Variants in NLGN1 observed in about 807,000 individuals in gnomAD.
The protein encoded by NLGN1 is neuroligin 1.
Under a neutral mutation model 65.5 loss-of-function variants are expected in NLGN1, and 12 were observed. The observed-to-expected ratio is 0.18, with a 90% confidence interval of 0.12 to 0.30. NLGN1 has a LOEUF of 0.30. Ranked by LOEUF, NLGN1 falls within the 10% of genes least tolerant of loss-of-function variation. The pLI is 1.00. For synonymous variants in NLGN1, 350 were observed against 359.5 expected, an observed-to-expected ratio of 0.97 and a Z score of 0.30; for missense variants, 750 against 1,007.1, an observed-to-expected ratio of 0.74 and a Z score of 3.46.
At chr3:174,077,025 A>G (rs1041383760) in intron 4 of NLGN1, among the ~76,000 whole-genome samples, 17 of 152,218 alleles carry the variant, frequency 1.1e-4, no homozygotes, top group African/African-American at 7.2e-5. Flanking sequence ...AATTCTCTAC[A>G]GCTATTAATA....
In NLGN1 at chr3:174,258,986, T is replaced by C. The variant is rs555502318; in HGVS notation, c.647-16329T>C. Among the ~76,000 whole-genome samples the C allele has an allele frequency of 2.0e-5, 3 of 152,254 alleles. No homozygotes were observed. The South Asian group carries it at 6.2e-4, about 32-fold the overall frequency. ...AAATGTTTCTGTAATACTGAAAGTA[T>C]TGAAAAGTTTTAAAATCACTAAATC... On this transcript the variant is annotated intron_variant, in intron 4 of 6. Coordinates refer to ENST00000457714, the Ensembl canonical transcript of NLGN1.
intron 4 of NLGN1, among the ~76,000 whole-genome samples, chr3:173,877,823 T>C (rs1020687421): frequency 1.3e-5 from 2 of 152,204 alleles, no homozygotes; most frequent in Admixed American, 6.5e-5. Flanking sequence ...TATTGACTTA[T>C]ATAATTTCTG....
At chr3:174,096,230 T>C in intron 4 of NLGN1, among the ~76,000 whole-genome samples, 1 of 149,658 alleles carries the variant, frequency 6.7e-6, no homozygotes. Flanking sequence ...TATATATGCA[T>C]ATAATATACA....
intron 4 of NLGN1, among the ~76,000 whole-genome samples, chr3:174,228,096 G>C (rs1740062660): frequency 6.6e-6 from 1 of 151,442 alleles, no homozygotes; most frequent in Non-Finnish European, 1.5e-5. Flanking sequence ...CATTGAAATT[G>C]TTTATCAATT....
chr3:174,224,947 G>A (rs1271554119), intron 4 of NLGN1, among the ~76,000 whole-genome samples: 2 of 152,114 alleles, frequency 1.3e-5, no homozygotes, highest in Non-Finnish European at 2.9e-5. Flanking sequence ...AGCTTGTTAG[G>A]AGTTTAGTCC....
chr3:174,008,998 G>A (rs191217639), intron 4 of NLGN1, among the ~76,000 whole-genome samples: 14 of 152,176 alleles, frequency 9.2e-5, no homozygotes, highest in Admixed American at 7.9e-4. Flanking sequence ...CTGCTGTAAC[G>A]AATACCATAC....
In NLGN1 at chr3:173,436,373, C is replaced by G. The variant is rs139913951; in HGVS notation, c.-321+1295C>G. On this transcript the variant is annotated intron_variant, in intron 2 of 6. Coordinates refer to ENST00000457714, the Ensembl canonical transcript of NLGN1. ...TTTATTCTGGTTAGTGGCTCCCATT[C>G]TTTGGCAAATAATGTATGGCACACA... 1.6e-4 allele frequency among the ~76,000 whole-genome samples: 24 copies of G among 152,242 alleles called. No individual in the cohort carries two copies. The East Asian group carries it at 4.6e-3, about 29-fold the overall frequency.
chr3:173,469,723 AC>A (rs1158638205), intron 2 of NLGN1, among the ~76,000 whole-genome samples: 2 of 151,694 alleles, frequency 1.3e-5, no homozygotes, highest in Non-Finnish European at 2.9e-5. Flanking sequence ...TCAGAGTAAA[AC>A]CCCTTACCCA....
chr3:173,796,941 TTC>T (rs1417666831), intron 3 of NLGN1, among the ~76,000 whole-genome samples: 2 of 152,182 alleles, frequency 1.3e-5, no homozygotes, highest in African/African-American at 4.8e-5. Flanking sequence ...TTACAATATT[TTC>T]TTTCCGTTTA....
chr3:173,583,861 A>G (rs1306622704), intron 2 of NLGN1, among the ~76,000 whole-genome samples: 1 of 152,206 alleles, frequency 6.6e-6, no homozygotes, highest in Non-Finnish European at 1.5e-5. Context: ...AATGAGTAAG[A>G]GATTATCTAA....
chr3:173,677,883 A>G (rs1763389843), intron 3 of NLGN1, among the ~76,000 whole-genome samples: 2 of 152,146 alleles, frequency 1.3e-5, no homozygotes, highest in Admixed American at 1.3e-4. Flanking sequence ...AGCCAAACTA[A>G]AGATGGGATT....
intron 4 of NLGN1, among the ~76,000 whole-genome samples, chr3:174,075,531 T>C (rs932091235): frequency 1.3e-5 from 2 of 152,132 alleles, no homozygotes; most frequent in Non-Finnish European, 2.9e-5. Context: ...ATGCCCAACC[T>C]GACAGTACGA....
At chr3:173,754,875 A>G (rs1405925147) in intron 3 of NLGN1, among the ~76,000 whole-genome samples, 1 of 152,072 alleles carries the variant, frequency 6.6e-6, no homozygotes, top group East Asian at 1.9e-4. Context: ...CACTCCATTC[A>G]TTACACTTTA....
In NLGN1 at chr3:173,798,234, A is replaced by T. The variant is rs139341082; in HGVS notation, c.494-9446A>T. Reference sequence around the variant, plus strand: ...TAATTTAACTAAAATTGGAAAGTAGATAGTGGTTTTGGCAGCAATAAATGC... The same window carrying T: ...TAATTTAACTAAAATTGGAAAGTAGTTAGTGGTTTTGGCAGCAATAAATGC... On this transcript the variant is annotated intron_variant, in intron 3 of 6. Coordinates refer to ENST00000457714, the Ensembl canonical transcript of NLGN1. Among the ~76,000 whole-genome samples the T allele has an allele frequency of 2.4e-3, 366 of 152,278 alleles. 1 individual carries two copies. The highest frequency in any genetic ancestry group is 7.9e-3 in the African/African-American group (330 of 41,576).
intron 3 of NLGN1, among the ~76,000 whole-genome samples, chr3:173,804,231 A>T (rs1716120054): frequency 6.6e-6 from 1 of 152,296 alleles, no homozygotes; most frequent in Admixed American, 6.5e-5. Context: ...CATTGCAAAT[A>T]ATGGAAATTA....
chr3:173,407,997 G>A (rs915776669), intron 1 of NLGN1, among the ~76,000 whole-genome samples: 2 of 152,132 alleles, frequency 1.3e-5, no homozygotes, highest in Non-Finnish European at 2.9e-5. Flanking sequence ...GTCTGTTTGT[G>A]ACACTGGTTG....
At chr3:174,124,663 GTA>G (rs1277945830) in intron 4 of NLGN1, among the ~76,000 whole-genome samples, 3 of 146,498 alleles carry the variant, frequency 2.0e-5, no homozygotes, top group African/African-American at 7.5e-5. Context: ...TTATATATAT[GTA>G]TATGTGTATA....
At chr3:174,232,901 C>G (rs78600631) in intron 4 of NLGN1, among the ~76,000 whole-genome samples, 13,937 of 152,294 alleles carry the variant, frequency 0.092, 862 homozygotes, top group Non-Finnish European at 0.14. Context: ...ATGCAAATTT[C>G]CCCAACTTCG....
intron 4 of NLGN1, among the ~76,000 whole-genome samples, chr3:174,206,615 A>G (rs1019819739): frequency 6.6e-5 from 10 of 152,154 alleles, no homozygotes; most frequent in African/African-American, 2.4e-4. Flanking sequence ...TATAGAAGTT[A>G]CCTCTCAGAG....
Sources: allele counts gnomAD v4.1 joint callset (sites outside exome capture counted in the v4.1 genomes callset), GRCh38; gene constraint gnomAD v4.1.1; transcripts MANE v1.5; gene names NCBI Gene and HGNC (gene_info 2026-07-23, HGNC 2026-07-21).